The following SLC35F3 variants were observed in gnomAD, a reference collection of about 807,000 sequenced individuals.
The protein encoded by SLC35F3 is solute carrier family 35 member F3.
Under a neutral mutation model 49.9 loss-of-function variants are expected in SLC35F3, and 25 were observed. The ratio of observed to expected loss-of-function variants is 0.50; its 90% confidence interval spans 0.37 to 0.70. The LOEUF (loss-of-function observed/expected upper bound fraction) is 0.70, where lower values mean the gene tolerates loss of function less well. Ranked by LOEUF, SLC35F3 falls within the 30% of genes least tolerant of loss-of-function variation. The probability of loss-of-function intolerance (pLI) is 0.00; values close to 1 mark genes in which losing one functional copy is unlikely to be tolerated. For synonymous variants in SLC35F3, 275 were observed against 265.4 expected (o/e 1.04, Z -0.35); for missense variants, 525 against 639.8 (o/e 0.82, Z 1.94).
At chr1:234,002,528 G>C (rs1449519526) in intron 2 of SLC35F3, among the ~76,000 whole-genome samples, 1 of 152,078 alleles carries the variant, frequency 6.6e-6, no homozygotes, top group African/African-American at 2.4e-5. Flanking sequence ...CTAGGGTTAG[G>C]GTTTGGGGAG....
At chr1:234,288,179 G>A (rs535386619) in intron 3 of SLC35F3, among the ~76,000 whole-genome samples, 47 of 152,218 alleles carry the variant, frequency 3.1e-4, no homozygotes, top group Admixed American at 1.9e-3. Flanking sequence ...AAACCACCAC[G>A]CCTAGCCTGC....
intron 2 of SLC35F3, among the ~76,000 whole-genome samples, chr1:234,067,943 A>T (rs1418281732): frequency 6.6e-6 from 1 of 152,104 alleles, no homozygotes; most frequent in African/African-American, 2.4e-5. Context: ...TTTGGTGAAG[A>T]CCTCTGAAAT....
chr1:234,020,477 C>CT (rs779424478), intron 2 of SLC35F3, among the ~76,000 whole-genome samples: 3 of 151,976 alleles, frequency 2.0e-5, no homozygotes, highest in Non-Finnish European at 4.4e-5. Context: ...CCTTTTATTT[C>CT]TTTTTTCTTT....
At chr1:233,909,899 C>G (rs1433425010) in intron 2 of SLC35F3, among the ~76,000 whole-genome samples, 2 of 152,224 alleles carry the variant, frequency 1.3e-5, no homozygotes, top group African/African-American at 4.8e-5. Context: ...GCTAAACAAG[C>G]AGGCCTACCT....
In SLC35F3 at chr1:234,287,582, C is replaced by G. The variant is rs777890922; in HGVS notation, c.609-21519C>G. ...GCACCTAACACAAAGCAGTTCATTT[C>G]ATTCACCCGACAACCATAAGGAGTG... On this transcript the variant is annotated intron_variant, in intron 3 of 7. Transcript: ENST00000366618. Among the ~76,000 whole-genome samples the G allele has an allele frequency of 7.2e-5, 11 of 152,316 alleles. No homozygotes were observed. The South Asian group carries it at 1.0e-3, about 14-fold the overall frequency.
chr1:234,022,716 C>T (rs1663915485), intron 2 of SLC35F3, among the ~76,000 whole-genome samples: 1 of 152,096 alleles, frequency 6.6e-6, no homozygotes, highest in Non-Finnish European at 1.5e-5. Context: ...TGGCTCAGTA[C>T]ATGTAATTAA....
chr1:234,105,886 A>G (rs1436309729), intron 2 of SLC35F3, among the ~76,000 whole-genome samples: 1 of 152,208 alleles, frequency 6.6e-6, no homozygotes, highest in Non-Finnish European at 1.5e-5. Context: ...GGTAGAAGCT[A>G]TAGAGCCAGC....
At chr1:234,159,669 C>A (rs186473186) in intron 2 of SLC35F3, among the ~76,000 whole-genome samples, 27 of 152,320 alleles carry the variant, frequency 1.8e-4, no homozygotes, top group Non-Finnish European at 2.9e-4. Flanking sequence ...TGTCTCACCC[C>A]CTTTGGTCAC....
chr1:233,941,465 C>T (rs1450792149), intron 2 of SLC35F3, among the ~76,000 whole-genome samples: 3 of 152,172 alleles, frequency 2.0e-5, no homozygotes, highest in Admixed American at 2.0e-4. Context: ...GTTAGAGGAA[C>T]CTCCAGGAAG....
intron 2 of SLC35F3, among the ~76,000 whole-genome samples, chr1:234,152,869 C>A (rs554365731): frequency 6.6e-6 from 1 of 152,300 alleles, no homozygotes; most frequent in South Asian, 2.1e-4. Context: ...TTCTATTTAT[C>A]CACATCCTCT....
At chr1:234,315,278 A>G (rs1185171486) in intron 4 of SLC35F3, among the ~76,000 whole-genome samples, 2 of 152,248 alleles carry the variant, frequency 1.3e-5, no homozygotes, top group Non-Finnish European at 2.9e-5. Context: ...TAAGAGAAGT[A>G]CGTAACTCAG....
chr1:233,910,291 A>G (rs931877228), intron 2 of SLC35F3, among the ~76,000 whole-genome samples: 2 of 152,344 alleles, frequency 1.3e-5, no homozygotes, highest in East Asian at 3.9e-4. Context: ...AAAGACCAGG[A>G]AAAATCTGTA....
chr1:234,046,916 CT>C lies in SLC35F3; in HGVS notation c.283+141159del, dbSNP rs1664299284. ...TTCTTTTACTATCCACTGAATCTCC[CT>C]GTAATTAAGTGCCACACAACCTTAG... is the stretch of plus-strand genomic sequence containing the variant. On this transcript the variant is annotated intron_variant, in intron 2 of 7. Coordinates refer to ENST00000366618, the MANE Select transcript of SLC35F3 (RefSeq NM_173508.4). The surrounding 1 kb of genome is among the most constrained non-coding windows in gnomAD (Gnocchi z 4.4). 1.3e-5 allele frequency among the ~76,000 whole-genome samples: 2 copies of C among 152,256 alleles called. No individual in the cohort carries two copies. The highest frequency in any genetic ancestry group is 2.4e-5 in the African/African-American group (1 of 41,562).
rs762082795 is a variant in SLC35F3, at chr1:234,323,294, G to A, written c.*51G>A. On this transcript the variant is annotated 3_prime_UTR_variant, in exon 8 of 8. Transcript: ENST00000366618. The surrounding 1 kb of genome is among the most constrained non-coding windows in gnomAD (Gnocchi z 4.5). ...AATGACTGGGAGGTCTATTCCTGCCGGGAGGAACCTCAGTTGGGTAAGGTG... is the reference window on the plus strand; with the variant it reads ...AATGACTGGGAGGTCTATTCCTGCCAGGAGGAACCTCAGTTGGGTAAGGTG... The A allele has an allele frequency of 5.2e-6, 8 of 1,525,774 alleles. No homozygotes were observed. Among genetic ancestry groups the A allele is most frequent in the East Asian group, 4.7e-5 (2 of 42,400 alleles). The allele number at this position is 1,525,774 out of a possible 1,614,324, so 94.5% of individuals were successfully genotyped here. A position where few individuals can be genotyped will look rare whatever the true frequency, so the allele number is the denominator to read the frequency against.
intron 2 of SLC35F3, among the ~76,000 whole-genome samples, chr1:234,120,329 A>G (rs1665552000): frequency 6.6e-6 from 1 of 152,250 alleles, no homozygotes; most frequent in African/African-American, 2.4e-5. Flanking sequence ...GTGCTATAAT[A>G]TAAACTGCAG....
chr1:233,998,912 G>T (rs969176580), intron 2 of SLC35F3, among the ~76,000 whole-genome samples: 1 of 152,084 alleles, frequency 6.6e-6, no homozygotes, highest in Non-Finnish European at 1.5e-5. Flanking sequence ...TCAGCCTCTG[G>T]GTGCCAGACA....
chr1:234,065,051 G>T (rs1015236573), intron 2 of SLC35F3, among the ~76,000 whole-genome samples: 2 of 152,196 alleles, frequency 1.3e-5, no homozygotes, highest in Admixed American at 6.5e-5. Context: ...AGAACAGTTG[G>T]TGTGCATCTG....
At chr1:233,951,649 ACT>A (rs1287761219) in intron 2 of SLC35F3, among the ~76,000 whole-genome samples, 1 of 151,592 alleles carries the variant, frequency 6.6e-6, no homozygotes, top group African/African-American at 2.4e-5. Flanking sequence ...CTCAGAGCTG[ACT>A]CTTCTGTGTC....
intron 2 of SLC35F3, among the ~76,000 whole-genome samples, chr1:234,099,628 CA>C (rs1226228682): frequency 1.7e-5 from 2 of 120,634 alleles, no homozygotes; most frequent in Non-Finnish European, 3.6e-5. Flanking sequence ...AAAAAAAAAA[CA>C]AAAAAAAGAT....
Sources: allele counts gnomAD v4.1 joint callset (sites outside exome capture counted in the v4.1 genomes callset), GRCh38; gene constraint gnomAD v4.1.1; non-coding constraint Gnocchi (gnomAD v3.1); transcripts MANE v1.5; gene names NCBI Gene and HGNC (gene_info 2026-07-23, HGNC 2026-07-21).